GFI1: variants seen among roughly 807,000 people sequenced by gnomAD.
The protein encoded by GFI1 is growth factor independent 1 transcriptional repressor.
Under a neutral mutation model 39.2 loss-of-function variants are expected in GFI1, and 15 were observed. The observed-to-expected ratio is 0.38, with a 90% CI of 0.26 to 0.59. The LOEUF (loss-of-function observed/expected upper bound fraction) is 0.59, where lower values mean the gene tolerates loss of function less well. GFI1 is among the 20% of genes least tolerant of loss of function. The pLI, the probability that GFI1 is intolerant of heterozygous loss-of-function variation, is 0.62. For missense variants in GFI1, 475 were observed against 574.0 expected (o/e 0.83, Z 1.76); for synonymous variants, 239 against 254.3 (o/e 0.94, Z 0.57).
intron 6 of GFI1, 21 bp downstream of exon 6, chr1:92,478,567 C>G: frequency 6.2e-7 from 1 of 1,611,682 alleles, no homozygotes; most frequent in Non-Finnish European, 8.5e-7. Flanking sequence ...TTCCTACAAG[C>G]CAAGGGCCTT....
rs567948686 is a variant in GFI1, at chr1:92,482,992, G to C, written c.170C>G (p.Pro57Arg). 2.4e-5 allele frequency: 38 copies of C among 1,610,118 alleles called. No homozygotes were observed. The highest frequency in any genetic ancestry group is 2.5e-6 in the Non-Finnish European group (3 of 1,177,832). The change falls in exon 3 of 7, where the codon CCC becomes CGC. Residue 57 changes from proline to arginine, a missense_variant. By Grantham distance (103) the Pro-to-Arg change is moderately radical (BLOSUM62 -2). Transcript: ENST00000294702. The surrounding 1 kb of genome is among the most constrained non-coding windows in gnomAD (Gnocchi z 4.4). ...TGGGGCTTCGGTCAGCTGCGATTCG[G>C]GGGACAAACGGTCCCGGGGCTCCGC... The part of the protein sequence containing the change: ...AKAEPRDRLS[P>R]ESQLTEAPDR...
chr1:92,483,189 G>A (rs565051581), intron 2 of GFI1, 143 bp from the exon 3 acceptor site: 1 of 835,358 alleles, frequency 1.2e-6, no homozygotes, highest in Non-Finnish European at 1.8e-6. Flanking sequence ...TCTCGGATCC[G>A]AGGGCAGGCG....
At chr1:92,479,566 C>T (rs777479883) in intron 5 of GFI1, among the ~76,000 whole-genome samples, 53 of 152,180 alleles carry the variant, frequency 3.5e-4, no homozygotes, top group Non-Finnish European at 6.0e-4. Context: ...GAATAAATAG[C>T]GGCGGTGGGG....
Position 92,481,661 on chromosome 1 carries a change from A to C in GFI1, c.299-573T>G, listed in dbSNP as rs1319059728. Among the ~76,000 whole-genome samples, 1 of 152,214 alleles carries C rather than the reference A, an allele frequency of 6.6e-6. No individual in the cohort carries two copies. Among genetic ancestry groups the C allele is most frequent in the Non-Finnish European group, 1.5e-5 (1 of 68,036 alleles). ...TGTCTGAATAAACCCGAAGGTATTA[A>C]GATTTCACGAAGTTAAGTGCCCAGT... On this transcript the variant is annotated intron_variant, in intron 3 of 6. Coordinates refer to ENST00000294702, the MANE Select transcript of GFI1 (RefSeq NM_005263.5). The surrounding 1 kb of genome is among the most constrained non-coding windows in gnomAD (Gnocchi z 4.3).
chr1:92,480,947 C>T lies in GFI1; in HGVS notation c.440G>A (p.Arg147His), dbSNP rs1367385969. The change falls in exon 4 of 7, where the codon CGT becomes CAT. Residue 147 changes from arginine to histidine, a missense_variant. Around this residue, in one of 4 missense-constraint regions of GFI1, gnomAD observed 275 missense variants for 275.8 expected, o/e 1.00. Coordinates refer to ENST00000294702, the MANE Select transcript of GFI1 (RefSeq NM_005263.5). This position sits in a 1 kb window ranked among gnomAD's most constrained non-coding sequence, Gnocchi z 5.6. ...GCAGAAGAGGCCCAGGCCAGCGCCA[C>T]GCTCCAGGGCCCCACACGGTCGGTA... is the stretch of plus-strand genomic sequence containing the variant. ...QSYRPCGALE[R>H]GAGLGLFCEP... 3.8e-6 allele frequency: 6 copies of T among 1,582,382 alleles called. No homozygotes were observed. The East Asian group carries it at 1.4e-4, about 37-fold the overall frequency.
At position 92,482,122 on chromosome 1, in the gene GFI1, G is replaced by A. The variant is rs1264484205; in HGVS notation, c.298+742C>T. On this transcript the variant is annotated intron_variant, in intron 3 of 6. Transcript: ENST00000294702. This position sits in a 1 kb window ranked among gnomAD's most constrained non-coding sequence, Gnocchi z 4.4. ...CACACTTGCTGGAGCTATGGTTTTC[G>A]CCAAGTCAACTCACTGATTGTGGGA... 6.6e-6 allele frequency among the ~76,000 whole-genome samples: 1 copy of A among 152,056 alleles called. No individual in the cohort carries two copies. The highest frequency in any genetic ancestry group is 1.5e-5 in the Non-Finnish European group (1 of 68,000).
rs11164607 is a variant in GFI1 at position 92,481,581 on chromosome 1, A to C, written c.299-493T>G. Among the ~76,000 whole-genome samples the C allele has an allele frequency of 0.72, 108,873 of 152,086 alleles. 39,714 individuals are homozygous for C. The highest frequency in any genetic ancestry group is 0.95 in the East Asian group (4,880 of 5,164). On this transcript the variant is annotated intron_variant, in intron 3 of 6. Coordinates refer to ENST00000294702, the MANE Select transcript of GFI1 (RefSeq NM_005263.5). The surrounding 1 kb of genome is among the most constrained non-coding windows in gnomAD (Gnocchi z 4.3). ...CAATTCTTTTTCTTCCCAGAATCCA[A>C]GAGGAAGGAGGGAGAAGGTCCATAA...
In GFI1 at chr1:92,474,024, C is replaced by T. The variant is rs561976847; in HGVS notation, c.*2005G>A. Among the ~76,000 whole-genome samples, 28 of 152,310 alleles carry T rather than the reference C, an allele frequency of 1.8e-4. No individual in the cohort carries two copies. Among genetic ancestry groups the T allele is most frequent in the Admixed American group, 4.6e-4 (7 of 15,300 alleles). On this transcript the variant is annotated 3_prime_UTR_variant, in exon 7 of 7. Coordinates refer to ENST00000294702, the MANE Select transcript of GFI1 (RefSeq NM_005263.5). ...TGGTTCTCACCATGGGGCATGCATA[C>T]CCTGAATGTCTGGCTGGGAGGTGTT...
At position 92,473,064 on chromosome 1, in the gene GFI1, G is replaced by A. The variant is rs1657802067; in HGVS notation, c.*2965C>T. On this transcript the variant is annotated 3_prime_UTR_variant, in exon 7 of 7. Coordinates refer to ENST00000294702, the MANE Select transcript of GFI1 (RefSeq NM_005263.5). ...GGAATATTCACAATCTATTTTTAAT[G>A]GAGTCAAGTAATAACATTAAGAGAG... Among the ~76,000 whole-genome samples the A allele has an allele frequency of 5.3e-5, 8 of 151,934 alleles. No individual in the cohort carries two copies. The South Asian group carries it at 1.5e-3, about 28-fold the overall frequency.
At chr1:92,483,109 G>C (rs1658356387) in intron 2 of GFI1, 63 bp from the exon 3 acceptor site, 4 of 1,423,026 alleles carry the variant, frequency 2.8e-6, no homozygotes, top group East Asian at 2.3e-5. Flanking sequence ...GGTGCTGAAG[G>C]CTCCCCCAAT....
Position 92,475,723 on chromosome 1 carries a change from TAAGA to T in GFI1, c.*302_*305del. 2.3e-6 allele frequency: 1 copy of T among 428,636 alleles called. No homozygotes were observed. The highest frequency in any genetic ancestry group is 2.2e-5 in the South Asian group (1 of 46,178). The allele number at this position is 428,636 out of a possible 1,614,324, so 26.6% of individuals were successfully genotyped here. ...TGGAAATGGGAAGGACTGTGGGGTCTAAGATTTATTCTGGTCCCCATTTGACTTT... is the reference window on the plus strand; with the variant it reads ...TGGAAATGGGAAGGACTGTGGGGTCTTTTATTCTGGTCCCCATTTGACTTT... On this transcript the variant is annotated 3_prime_UTR_variant, in exon 7 of 7. Transcript: ENST00000294702.
rs769076534 is a variant in GFI1, at chr1:92,483,357, C to T, written c.115+16G>A. ...TCCGGGGGAGCAGCCCCGCCTGGCC[C>T]GCGCGCGCCTCGCACCTGCTCGGCT... On this transcript the variant is annotated intron_variant, in intron 2 of 6. Coordinates refer to ENST00000294702, the MANE Select transcript of GFI1 (RefSeq NM_005263.5). 2.1e-6 allele frequency: 3 copies of T among 1,445,408 alleles called. No individual in the cohort carries two copies. Among genetic ancestry groups the T allele is most frequent in the African/African-American group, 3.2e-5 (2 of 61,976 alleles). The allele number at this position is 1,445,408 out of a possible 1,614,324, so 89.5% of individuals were successfully genotyped here.
intron 6 of GFI1, among the ~76,000 whole-genome samples, chr1:92,478,011 T>C (rs1557667239): frequency 6.6e-6 from 1 of 152,176 alleles, no homozygotes; most frequent in South Asian, 2.1e-4. Flanking sequence ...TTTTCATCTC[T>C]AAAATGGGGA....
Position 92,476,021 on chromosome 1 carries a change from C to G in GFI1, c.*8G>C, listed in dbSNP as rs200535457. ...TGTGTAGCTGCTGCTTGCAGCCAGC[C>G]AGGGTGCTCATTTGAGCCCATGCTG... On this transcript the variant is annotated 3_prime_UTR_variant, in exon 7 of 7. Coordinates refer to ENST00000294702, the MANE Select transcript of GFI1 (RefSeq NM_005263.5). The G allele has an allele frequency of 9.3e-6, 15 of 1,613,584 alleles. No individual in the cohort carries two copies. The Admixed American group carries it at 1.8e-4, about 20-fold the overall frequency.
At chr1:92,479,010 C>T (rs1269050510) in intron 5 of GFI1, among the ~76,000 whole-genome samples, 1 of 152,164 alleles carries the variant, frequency 6.6e-6, no homozygotes, top group Admixed American at 6.5e-5. Context: ...GGACTACAGG[C>T]ACACGCCATC....
rs1657903595 is a variant in GFI1 at position 92,475,313 on chromosome 1, G to C, written c.*716C>G. The C allele has an allele frequency of 6.6e-6, 1 of 152,554 alleles. No individual in the cohort carries two copies. Among genetic ancestry groups the C allele is most frequent in the Admixed American group, 6.5e-5 (1 of 15,332 alleles). The allele number at this position is 152,554 out of a possible 1,614,324, so 9.5% of individuals were successfully genotyped here. ...CTTGTGCTTTTACCTCCAGTGATGA[G>C]GTTTTCACAGCCCTACTGAAGGGAG... On this transcript the variant is annotated 3_prime_UTR_variant, in exon 7 of 7. Transcript: ENST00000294702.
chr1:92,481,900 A>AC lies in GFI1; in HGVS notation c.299-813dup, dbSNP rs528642273. On this transcript the variant is annotated intron_variant, in intron 3 of 6. Coordinates refer to ENST00000294702, the MANE Select transcript of GFI1 (RefSeq NM_005263.5). The surrounding 1 kb of genome is among the most constrained non-coding windows in gnomAD (Gnocchi z 4.3). ...CACGTGAATTTTGCTAAAACTAGTG[A>AC]CCCCAACGCATGTGAGTGCATACGG... Among the ~76,000 whole-genome samples the AC allele has an allele frequency of 1.9e-3, 283 of 149,982 alleles. 1 individual carries two copies. The highest frequency in any genetic ancestry group is 6.3e-3 in the African/African-American group (258 of 40,810).
rs1017126474 is a variant in GFI1, at chr1:92,481,394, C to T, written c.299-306G>A. On this transcript the variant is annotated intron_variant, in intron 3 of 6. Coordinates refer to ENST00000294702, the MANE Select transcript of GFI1 (RefSeq NM_005263.5). The surrounding 1 kb of genome is among the most constrained non-coding windows in gnomAD (Gnocchi z 4.3). ...TCCGAGGATCTTTTCTGGCTGGACC[C>T]GCGCACCTGGAGATCCTACAGGGAA... Among the ~76,000 whole-genome samples, 2 of 152,208 alleles carry T rather than the reference C, an allele frequency of 1.3e-5. No individual in the cohort carries two copies. The highest frequency in any genetic ancestry group is 2.9e-5 in the Non-Finnish European group (2 of 68,026).
At position 92,480,126 on chromosome 1, in the gene GFI1, T is replaced by C. The variant is rs1658151584; in HGVS notation, c.924+222A>G. Among the ~76,000 whole-genome samples the C allele has an allele frequency of 6.6e-6, 1 of 152,168 alleles. No homozygotes were observed. The highest frequency in any genetic ancestry group is 6.5e-5 in the Admixed American group (1 of 15,284). On this transcript the variant is annotated intron_variant, in intron 5 of 6. Transcript: ENST00000294702. This position sits in a 1 kb window ranked among gnomAD's most constrained non-coding sequence, Gnocchi z 5.6. ...ATCACACTCTCGAGGCTCACAGTGG[T>C]GTGACACCAAAATCCAGGGCTGCCT...
Sources: allele counts gnomAD v4.1 joint callset (sites outside exome capture counted in the v4.1 genomes callset), GRCh38; gene constraint gnomAD v4.1.1; regional missense constraint gnomAD v4.1.1; non-coding constraint Gnocchi (gnomAD v3.1); transcripts MANE v1.5; gene names NCBI Gene and HGNC (gene_info 2026-07-23, HGNC 2026-07-21).